FRMD8: variants seen among roughly 807,000 people sequenced by gnomAD.
FRMD8 encodes the protein FERM domain-containing protein 8.
FRMD8 carries 37 observed loss-of-function variants against 54.2 expected under a neutral mutation model. The ratio of observed to expected loss-of-function variants is 0.68; its 90% CI spans 0.53 to 0.90. The LOEUF (loss-of-function observed/expected upper bound fraction) is 0.90, where lower values mean the gene tolerates loss of function less well. Ranked by LOEUF, FRMD8 falls within the 40% of genes least tolerant of loss-of-function variation. The probability of loss-of-function intolerance (pLI) is 0.00; values close to 1 mark genes in which losing one functional copy is unlikely to be tolerated. For synonymous variants in FRMD8, 246 were observed against 286.9 expected (o/e 0.86, Z 1.44); for missense variants, 585 against 653.7 (o/e 0.89, Z 1.15).
chr11:65,396,379 C>T (rs954429314), intron 6 of FRMD8, among the ~76,000 whole-genome samples: 3 of 152,170 alleles, frequency 2.0e-5, no homozygotes, highest in African/African-American at 2.4e-5. Context: ...CCGGGTCAGA[C>T]GGGCAGAGGG....
At chr11:65,410,087 G>C (rs1195583651) in intron 10 of FRMD8, among the ~76,000 whole-genome samples, 1 of 151,622 alleles carries the variant, frequency 6.6e-6, no homozygotes, top group South Asian at 2.1e-4. Context: ...CCACAAAGGC[G>C]GGACATGGTG....
chr11:65,411,192 TCA>T, intron 10 of FRMD8, 48 bp from the exon 11 acceptor site: 1 of 1,467,216 alleles, frequency 6.8e-7, no homozygotes, highest in Non-Finnish European at 9.3e-7. Context: ...CTGAGCCCCC[TCA>T]CACAGGGACA....
At chr11:65,393,949 G>T in intron 4 of FRMD8, 92 bp from the exon 5 acceptor site, 1 of 1,351,202 alleles carries the variant, frequency 7.4e-7, no homozygotes, top group Non-Finnish European at 1.1e-6. Flanking sequence ...GCCCTGGTGG[G>T]TGAGGTTGGT....
Position 65,400,872 on chromosome 11 carries a change from C to T in FRMD8, c.1071+5C>T, listed in dbSNP as rs1481436310. Reference sequence around the variant, plus strand: ...CTCAAGATCTACTCCAAGCAGGTAGCGCGGGTGGTGCCTGCACACGGGTGG... The same window carrying T: ...CTCAAGATCTACTCCAAGCAGGTAGTGCGGGTGGTGCCTGCACACGGGTGG... On this transcript the variant is annotated splice_donor_5th_base_variant and intron_variant, in intron 9 of 10. Coordinates refer to ENST00000317568, the MANE Select transcript of FRMD8 (RefSeq NM_031904.5). The surrounding 1 kb of genome is among the most constrained non-coding windows in gnomAD (Gnocchi z 4.3). The T allele has an allele frequency of 6.8e-5, 109 of 1,596,896 alleles. No homozygotes were observed. The highest frequency in any genetic ancestry group is 9.1e-5 in the Non-Finnish European group (106 of 1,170,714).
intron 10 of FRMD8, among the ~76,000 whole-genome samples, chr11:65,409,607 A>G (rs1214983130): frequency 6.6e-6 from 1 of 151,956 alleles, no homozygotes; most frequent in Non-Finnish European, 1.5e-5. Context: ...CCGCATCTCT[A>G]TTTAAAAGAT....
intron 7 of FRMD8, among the ~76,000 whole-genome samples, chr11:65,397,756 G>C (rs557789375): frequency 3.9e-5 from 6 of 152,286 alleles, no homozygotes; most frequent in African/African-American, 1.4e-4. Flanking sequence ...CTGTCACTCA[G>C]GCTGGAGTGC....
rs141706771 is a variant in FRMD8 at position 65,394,261 on chromosome 11, C to T, written c.417C>T (p.Ile139=). The change falls in exon 6 of 11, where the codon ATC becomes ATT. Residue 139 remains isoleucine, a splice_region_variant and synonymous_variant. Transcript: ENST00000317568. ...GTCCCTGCCACACCCCCCTGCAGATCCATGACGAGGAGGTCCTGCGGCTGC... is the reference window on the plus strand; with the variant it reads ...GTCCCTGCCACACCCCCCTGCAGATTCATGACGAGGAGGTCCTGCGGCTGC... ...VFFPKRRELQ[I]HDEEVLRLLY... is the part of the protein sequence containing the mutation. 34 of 1,600,652 alleles carry T rather than the reference C, an allele frequency of 2.1e-5. No individual in the cohort carries two copies. The highest frequency in any genetic ancestry group is 2.5e-5 in the Non-Finnish European group (29 of 1,173,918).
intron 10 of FRMD8, among the ~76,000 whole-genome samples, chr11:65,409,413 A>G (rs1856281227): frequency 6.6e-6 from 1 of 152,140 alleles, no homozygotes; most frequent in Non-Finnish European, 1.5e-5. Flanking sequence ...GTGCTTGATC[A>G]TATTTAGATT....
chr11:65,375,172 A>G, the FRMD8 span: 2 of 152,280 alleles, frequency 1.3e-5, no homozygotes, highest in Admixed American at 1.3e-4. Context: ...GCGTGAAGAG[A>G]CAGGTCAGGA....
chr11:65,407,672 C>T (rs978145187), intron 10 of FRMD8, among the ~76,000 whole-genome samples: 10 of 151,740 alleles, frequency 6.6e-5, no homozygotes, highest in East Asian at 2.0e-4. Context: ...GGGCAGATCA[C>T]GAGGTCAGGA....
rs750010237 is a variant in FRMD8 at position 65,411,311 on chromosome 11, A to G, written c.1346A>G (p.Gln449Arg). 3 of 1,608,952 alleles carry G rather than the reference A, an allele frequency of 1.9e-6. No homozygotes were observed. Among genetic ancestry groups the G allele is most frequent in the East Asian group, 2.2e-5 (1 of 44,778 alleles). The change falls in exon 11 of 11, where the codon CAG becomes CGG. Residue 449 changes from glutamine to arginine, a missense_variant. Transcript: ENST00000317568. ...SFFSRQLSLG[Q>R]GSYTVVQPGD... Reference sequence around the variant, plus strand: ...TTCAGCCGGCAGCTGTCCTTGGGCCAGGGGAGCTACACCGTGGTGCAGCCC... The same window carrying G: ...TTCAGCCGGCAGCTGTCCTTGGGCCGGGGGAGCTACACCGTGGTGCAGCCC...
At chr11:65,379,664 C>G in the FRMD8 span, 5 of 1,348,568 alleles carry the variant, frequency 3.7e-6, no homozygotes, top group Non-Finnish European at 5.0e-6. Context: ...GCTCCCAAGT[C>G]CTGCCACAGG....
intron 10 of FRMD8, among the ~76,000 whole-genome samples, chr11:65,406,356 G>A (rs1450155065): frequency 1.3e-5 from 2 of 151,966 alleles, no homozygotes; most frequent in East Asian, 2.0e-4. Flanking sequence ...CACCACGCCC[G>A]GCTACTTTTT....
At chr11:65,395,076 A>G (rs1027657683) in intron 6 of FRMD8, among the ~76,000 whole-genome samples, 9 of 151,898 alleles carry the variant, frequency 5.9e-5, no homozygotes, top group African/African-American at 2.2e-4. Context: ...GTGAAACCCC[A>G]TCTCTACTAA....
chr11:65,379,033 C>T, the FRMD8 span: 1 of 307,968 alleles, frequency 3.2e-6, no homozygotes, highest in African/African-American at 2.3e-5. Flanking sequence ...TGGTGGTTCT[C>T]CAGGGTCAAA....
At chr11:65,396,346 G>A (rs1244228584) in intron 6 of FRMD8, among the ~76,000 whole-genome samples, 1 of 152,206 alleles carries the variant, frequency 6.6e-6, no homozygotes, top group African/African-American at 2.4e-5. Flanking sequence ...CGCAGGATGA[G>A]CCTTTGGCTT....
At chr11:65,378,991 A>C in the FRMD8 span, 1 of 241,340 alleles carries the variant, frequency 4.1e-6, no homozygotes, top group Non-Finnish European at 8.2e-6. Flanking sequence ...GGACCCGGCC[A>C]GAGGGGCTGG....
chr11:65,408,492 G>A (rs1001918348), intron 10 of FRMD8, among the ~76,000 whole-genome samples: 1 of 151,636 alleles, frequency 6.6e-6, no homozygotes, highest in African/African-American at 2.4e-5. Flanking sequence ...CTCTGCTTGT[G>A]GGCATTACAG....
intron 2 of FRMD8, among the ~76,000 whole-genome samples, chr11:65,388,190 A>G (rs1225679854): frequency 6.6e-6 from 1 of 151,778 alleles, no homozygotes; most frequent in Non-Finnish European, 1.5e-5. Flanking sequence ...CAGGGATCAT[A>G]TCATGATCTT....
Sources: allele counts gnomAD v4.1 joint callset (sites outside exome capture counted in the v4.1 genomes callset), GRCh38; gene constraint gnomAD v4.1.1; non-coding constraint Gnocchi (gnomAD v3.1); transcripts MANE v1.5; gene names NCBI Gene and HGNC (gene_info 2026-07-23, HGNC 2026-07-21).